The following KDM3A variants were observed in gnomAD, a reference collection of about 807,000 sequenced individuals.
The protein encoded by KDM3A is lysine-specific demethylase 3A.
In KDM3A, 60 loss-of-function variants were observed where a neutral mutation model predicts 158.0. That is an observed-to-expected ratio of 0.38 (90% CI 0.31 to 0.47). The LOEUF is 0.47. KDM3A is among the 20% of genes least tolerant of loss of function. The pLI is 0.99. For missense variants in KDM3A, 1,319 were observed against 1,574.3 expected (o/e 0.84, Z 2.74); for synonymous variants, 608 against 549.3 (o/e 1.11, Z -1.49).
chr2:86,482,747 C>G (rs1427833580), intron 18 of KDM3A, 53 bp downstream of exon 18: 2 of 1,558,164 alleles, frequency 1.3e-6, no homozygotes, highest in African/African-American at 2.7e-5. Flanking sequence ...TTCTCAGTTC[C>G]TTTAGCAGAC....
At chr2:86,460,043 C>T (rs1672862482) in intron 8 of KDM3A, among the ~76,000 whole-genome samples, 1 of 151,324 alleles carries the variant, frequency 6.6e-6, no homozygotes, top group Non-Finnish European at 1.5e-5. Context: ...GATTGTGAAG[C>T]TCATCTCATT....
At chr2:86,459,456 G>A (rs944597992) in intron 8 of KDM3A, among the ~76,000 whole-genome samples, 1 of 152,132 alleles carries the variant, frequency 6.6e-6, no homozygotes, top group Non-Finnish European at 1.5e-5. Flanking sequence ...GAATGTGTCA[G>A]TGTAAATTGG....
intron 23 of KDM3A, chr2:86,489,879 C>T: frequency 2.3e-6 from 1 of 440,604 alleles, no homozygotes; most frequent in East Asian, 3.4e-5. Context: ...TCTTTTATGT[C>T]TGTGTTTTGT....
At chr2:86,478,552 G>T in intron 14 of KDM3A, 56 bp from the exon 15 acceptor site, 1 of 1,589,604 alleles carries the variant, frequency 6.3e-7, no homozygotes, top group Non-Finnish European at 8.6e-7. Context: ...CTGTAATGTT[G>T]AGGTTGAAAG....
At chr2:86,482,833 T>G (rs896159064) in intron 18 of KDM3A, 139 bp downstream of exon 18, 4 of 809,174 alleles carry the variant, frequency 4.9e-6, no homozygotes, top group Non-Finnish European at 7.9e-6. Flanking sequence ...GTGAATATAA[T>G]CAGGTCAGGA....
chr2:86,483,442 G>A (rs1224244094), intron 18 of KDM3A: 2 of 152,370 alleles, frequency 1.3e-5, no homozygotes, highest in East Asian at 3.9e-4. Context: ...CAAAATGATG[G>A]GCTGAATACA....
chr2:86,466,716 A>G lies in KDM3A; in HGVS notation c.1352A>G (p.Asn451Ser), dbSNP rs1330266953. 3.1e-6 allele frequency: 5 copies of G among 1,613,966 alleles called. No individual in the cohort carries two copies. The Admixed American group carries it at 5.0e-5, about 16-fold the overall frequency. Residue 451 changes from asparagine (N) to serine (S), a missense_variant, in exon 10 of 26, where the codon AAT (asparagine) becomes AGT (serine). Asn to Ser is a conservative substitution (Grantham distance 46). This residue lies in a region of KDM3A where 652 missense variants were observed against 627.2 expected (regional missense o/e 1.04). Coordinates refer to ENST00000312912, the MANE Select transcript of KDM3A (RefSeq NM_018433.6). ...GCACCTTCCCCATCGGATGTTTCAA[A>G]TGCACCAGAAGTGAAAGCAGGTGTC... ...EHAPSPSDVS[N>S]APEVKAGVNS...
Position 86,492,068 on chromosome 2 carries a change from AG to A in KDM3A, c.3916del (p.Asp1306MetfsTer6). 6.2e-7 allele frequency: 1 copy of A among 1,613,510 alleles called. No homozygotes were observed. The highest frequency in any genetic ancestry group is 8.5e-7 in the Non-Finnish European group (1 of 1,179,564). On this transcript the variant is annotated frameshift_variant, in exon 26 of 26. Transcript: ENST00000312912. LOFTEE classifies it high-confidence loss of function. ...AGAATGTTATCTACCATGCAGTGAA[AG>A]ATGCAGTTGCTATGCTGAAAGCCAG... ...VKNVIYHAVK[D>X]AVAMLKASES...
Position 86,490,909 on chromosome 2 carries a change from C to A in KDM3A, c.3602C>A (p.Pro1201Gln), listed in dbSNP as rs142941230. The change falls in exon 24 of 26, where the codon CCA (proline) becomes CAA (glutamine). Residue 1201 changes from proline (P) to glutamine (Q), a missense_variant. This residue lies in a region of KDM3A where 186 missense variants were observed against 340.9 expected (regional missense o/e 0.55). Transcript: ENST00000312912. ...KVSEEQGQEN[P>Q]ADHDPIHDQS... Reference sequence around the variant, plus strand: ...TCAGAAGAGCAAGGTCAAGAAAACCCAGCAGACCACGATCCTATTCATGAT... The same window carrying A: ...TCAGAAGAGCAAGGTCAAGAAAACCAAGCAGACCACGATCCTATTCATGAT... 23 of 1,612,428 alleles carry A rather than the reference C, an allele frequency of 1.4e-5. No individual in the cohort carries two copies. The highest frequency in any genetic ancestry group is 2.0e-5 in the Non-Finnish European group (23 of 1,179,418).
chr2:86,476,546 A>T (rs1032102583), intron 12 of KDM3A, among the ~76,000 whole-genome samples: 1 of 151,760 alleles, frequency 6.6e-6, no homozygotes, highest in African/African-American at 2.4e-5. Context: ...CACCATACCC[A>T]GAAGAGTTTA....
At chr2:86,472,766 G>A (rs1673478104) in intron 11 of KDM3A, among the ~76,000 whole-genome samples, 1 of 152,118 alleles carries the variant, frequency 6.6e-6, no homozygotes, top group African/African-American at 2.4e-5. Flanking sequence ...ATGAAATACT[G>A]AAGGCTTTCA....
intron 4 of KDM3A, among the ~76,000 whole-genome samples, chr2:86,452,470 A>G (rs1465364793): frequency 1.3e-5 from 2 of 152,166 alleles, no homozygotes; most frequent in East Asian, 3.8e-4. Flanking sequence ...TATTTCCCCT[A>G]GGAGCAATGG....
At chr2:86,491,916 C>G (rs1194123237) in intron 25 of KDM3A, 123 bp from the exon 26 acceptor site, 1 of 668,232 alleles carries the variant, frequency 1.5e-6, no homozygotes, top group Non-Finnish European at 2.6e-6. Flanking sequence ...GTTGACATTT[C>G]ATACGAATAT....
chr2:86,442,340 G>T, intron 2 of KDM3A, 107 bp downstream of exon 2: 1 of 1,062,872 alleles, frequency 9.4e-7, no homozygotes, highest in Non-Finnish European at 1.4e-6. Flanking sequence ...CAGAAAGTTG[G>T]CATATGATCT....
intron 21 of KDM3A, chr2:86,488,066 TA>T (rs1286442476): frequency 7.2e-6 from 1 of 138,156 alleles, no homozygotes; most frequent in Non-Finnish European, 1.7e-5. Context: ...TTTACAATTT[TA>T]ACATATATAT....
chr2:86,456,780 T>G, intron 6 of KDM3A, 25 bp from the exon 7 acceptor site: 1 of 1,568,850 alleles, frequency 6.4e-7, no homozygotes, highest in Non-Finnish European at 8.8e-7. Context: ...TATTTTCCGG[T>G]ATCTTTGTTT....
chr2:86,470,516 G>A, intron 11 of KDM3A, 108 bp downstream of exon 11: 2 of 852,578 alleles, frequency 2.3e-6, no homozygotes, highest in Non-Finnish European at 3.7e-6. Flanking sequence ...GAAGTAAAAA[G>A]GTGGTAGATG....
chr2:86,449,658 ACAGGAAGTGAGGGAG>A, intron 2 of KDM3A, 134 bp from the exon 3 acceptor site: 1 of 804,934 alleles, frequency 1.2e-6, no homozygotes, highest in Non-Finnish European at 1.9e-6. Flanking sequence ...GTGGGCTGTG[ACAGGAAGTGAGGGAG>A]CTGGAAGGGG....
At chr2:86,488,074 A>G (rs1674271706) in intron 21 of KDM3A, 1 of 141,664 alleles carries the variant, frequency 7.1e-6, no homozygotes, top group African/African-American at 2.5e-5. Context: ...TTTAACATAT[A>G]TATTTGTATT....
Sources: gnomAD v4.1 joint callset for allele counts (sites outside exome capture counted in the v4.1 genomes callset) on GRCh38, gnomAD v4.1.1 for gene constraint, gnomAD v4.1.1 regional missense constraint, MANE v1.5 for transcripts, NCBI Gene and HGNC (gene_info 2026-07-23, HGNC 2026-07-21) for gene names.